The following ZNF273 variants were observed in gnomAD, a reference collection of about 807,000 sequenced individuals.
The protein encoded by ZNF273 is zinc finger protein 9.
In ZNF273, 11 loss-of-function variants were observed where a neutral mutation model predicts 14.9. The observed-to-expected ratio is 0.74, with a 90% CI of 0.46 to 1.22. The LOEUF (loss-of-function observed/expected upper bound fraction) is 1.22, where lower values mean the gene tolerates loss of function less well. ZNF273 is among the 50% of genes most tolerant of loss of function. The pLI is 0.00. For synonymous variants in ZNF273, 199 were observed against 223.9 expected, an observed-to-expected ratio of 0.89 and a Z score of 0.99; for missense variants, 577 against 660.6, an observed-to-expected ratio of 0.87 and a Z score of 1.39.
At chr7:64,881,022 C>G (rs1356516886), downstream of ZNF273, among the ~76,000 whole-genome samples, 1 of 152,188 alleles carries the variant, frequency 6.6e-6, no homozygotes, top group Non-Finnish European at 1.5e-5. Context: ...GGGTCCCGCA[C>G]CTTCATCTGC....
At chr7:64,893,517 C>T (rs3829003), downstream of ZNF273, 68,414 of 152,026 alleles carry the variant, frequency 0.45, 15,702 homozygotes, top group Admixed American at 0.51. Context: ...TATTTGCTTA[C>T]TTCTCTGGCT....
chr7:64,897,023 T>G (rs1792405352), intron 3 of ZNF273, among the ~76,000 whole-genome samples: 1 of 152,070 alleles, frequency 6.6e-6, no homozygotes, highest in South Asian at 2.1e-4. Context: ...TGGAGGACAT[T>G]ATGCTAAGTA....
intron 1 of ZNF273, chr7:64,888,526 A>G (rs942098834): frequency 1.3e-5 from 13 of 985,672 alleles, no homozygotes; most frequent in Non-Finnish European, 1.6e-5. Context: ...GAATTAAGAG[A>G]TACGAAACCC....
chr7:64,907,001 C>G (rs953960192), intron 1 of ZNF273, among the ~76,000 whole-genome samples: 5 of 151,938 alleles, frequency 3.3e-5, no homozygotes, highest in African/African-American at 1.2e-4. Flanking sequence ...AATGTTTTAC[C>G]CTGAAGTCAG....
rs755575392 is a variant in ZNF273, at chr7:64,918,197, G to A, written c.230G>A (p.Gly77Asp). Residue 77 changes from glycine to aspartate, a missense_variant and splice_region_variant, in exon 3 of 4, where the codon GGT (glycine) becomes GAT (aspartate). By Grantham distance (94) the Gly-to-Asp change is moderately conservative. This residue lies in a region of ZNF273 where 162 missense variants were observed against 203.5 expected (regional missense o/e 0.80). Transcript: ENST00000476120. ...LDNYRNLVFLGIAVSKPDLIT... is the reference protein window; with the variant it reads ...LDNYRNLVFLDIAVSKPDLIT... The stretch of plus-strand genomic sequence containing the variant: ...ATGTTACTCATTTTTAATAAAACAG[G>A]TATTGCTGTCTCTAAGCCAGACCTG... The A allele has an allele frequency of 1.2e-5, 19 of 1,558,998 alleles. No homozygotes were observed. Among genetic ancestry groups the A allele is most frequent in the Non-Finnish European group, 1.6e-5 (18 of 1,147,596 alleles).
the ZNF273 span, among the ~76,000 whole-genome samples, chr7:64,936,147 A>G: frequency 6.6e-6 from 1 of 152,222 alleles, no homozygotes; most frequent in African/African-American, 2.4e-5. Flanking sequence ...TTATTCTCTG[A>G]TTTCCTTTCA....
upstream of ZNF273, among the ~76,000 whole-genome samples, chr7:64,902,729 AAAAG>A (rs1046411548): frequency 3.3e-5 from 5 of 152,252 alleles, no homozygotes; most frequent in South Asian, 2.1e-4. Context: ...GAGAGAAAGA[AAAAG>A]AAAGAAAGAA....
chr7:64,883,029 C>G (rs906674538), downstream of ZNF273, among the ~76,000 whole-genome samples: 4 of 152,192 alleles, frequency 2.6e-5, no homozygotes, highest in African/African-American at 9.6e-5. Context: ...GCGGCGTCCG[C>G]TGAAAGGAAT....
intron 1 of ZNF273, among the ~76,000 whole-genome samples, chr7:64,916,470 G>A (rs748835457): frequency 2.0e-5 from 3 of 148,536 alleles, no homozygotes; most frequent in African/African-American, 5.0e-5. Context: ...GCTTGAATTC[G>A]GGAGGCGAAG....
downstream of ZNF273, among the ~76,000 whole-genome samples, chr7:64,934,549 G>C (rs1484497041): frequency 1.3e-5 from 2 of 152,012 alleles, no homozygotes; most frequent in East Asian, 3.9e-4. Context: ...AATTTTCTTA[G>C]CACCATTTAT....
chr7:64,915,566 A>G (rs942832192), intron 1 of ZNF273, among the ~76,000 whole-genome samples: 3 of 152,198 alleles, frequency 2.0e-5, no homozygotes, highest in Non-Finnish European at 4.4e-5. Flanking sequence ...CGCCCATGCT[A>G]TTGTTTGTGG....
Position 64,925,630 on chromosome 7 carries a change from G to A in ZNF273, c.326-2024G>A, listed in dbSNP as rs1794733527. Among the ~76,000 whole-genome samples the A allele has an allele frequency of 2.0e-5, 3 of 152,002 alleles. 1 individual carries two copies. In the South Asian group the frequency reaches 6.2e-4, roughly 32 times the overall value. On this transcript the variant is annotated intron_variant, in intron 3 of 3. Transcript: ENST00000476120. ...TTTTTGTATTTTTTTAGTAGAGACAGGGTTTCACAATGTTGGCCAGGTTGG... is the reference window on the plus strand; with the variant it reads ...TTTTTGTATTTTTTTAGTAGAGACAAGGTTTCACAATGTTGGCCAGGTTGG...
downstream of ZNF273, chr7:64,889,456 C>T (rs557844893): frequency 2.1e-5 from 21 of 985,794 alleles, 1 homozygote; most frequent in South Asian, 8.5e-4. The surrounding 1 kb of genome is among the most constrained non-coding windows in gnomAD (Gnocchi z 4.2). Context: ...CCTCACCTTT[C>T]CTGGGGCTGC....
chr7:64,918,992 A>C (rs952639445), intron 3 of ZNF273, among the ~76,000 whole-genome samples: 2 of 152,174 alleles, frequency 1.3e-5, no homozygotes, highest in Non-Finnish European at 2.9e-5. Context: ...CACATCTGAA[A>C]TATGTGAGAG....
chr7:64,912,859 C>T (rs780419630), intron 1 of ZNF273, among the ~76,000 whole-genome samples: 60 of 9,806 alleles, frequency 6.1e-3, no homozygotes, highest in Non-Finnish European at 7.7e-3. Context: ...GATTGAGTTT[C>T]GCTCTGTCAT....
At chr7:64,910,246 C>T (rs1391792258) in intron 1 of ZNF273, among the ~76,000 whole-genome samples, 2 of 152,002 alleles carry the variant, frequency 1.3e-5, no homozygotes, top group East Asian at 1.9e-4. Context: ...GAAATATTTG[C>T]CAGTTCCTAT....
downstream of ZNF273, chr7:64,933,589 G>A (rs1450817986): frequency 6.6e-6 from 1 of 152,124 alleles, no homozygotes; most frequent in Non-Finnish European, 1.5e-5. Flanking sequence ...CCCACAGACT[G>A]TACTGGGTCC....
chr7:64,912,846 T>TTTTTTTTTTTTTA (rs1562959220), intron 1 of ZNF273, among the ~76,000 whole-genome samples: 2 of 98,154 alleles, frequency 2.0e-5, no homozygotes, highest in East Asian at 2.2e-4. Flanking sequence ...TTTTTTTTTT[T>TTTTTTTTTTTTTA]GAGATTGAGT....
At chr7:64,927,396 A>T (rs1279048990) in intron 3 of ZNF273, among the ~76,000 whole-genome samples, 1 of 149,264 alleles carries the variant, frequency 6.7e-6, no homozygotes, top group African/African-American at 2.5e-5. Flanking sequence ...CCTGCAATAG[A>T]CTTTTCCTTC....
Sources: allele counts gnomAD v4.1 joint callset (sites outside exome capture counted in the v4.1 genomes callset), GRCh38; gene constraint gnomAD v4.1.1; regional missense constraint gnomAD v4.1.1; non-coding constraint Gnocchi (gnomAD v3.1); transcripts MANE v1.5; gene names NCBI Gene and HGNC (gene_info 2026-07-23, HGNC 2026-07-21).